CAST: variants seen among roughly 807,000 people sequenced by gnomAD.
CAST encodes MIR583 host.
CAST carries 76 observed loss-of-function variants against 119.6 expected under a neutral mutation model. That is an observed-to-expected ratio of 0.64 (90% CI 0.53 to 0.77). The LOEUF (loss-of-function observed/expected upper bound fraction) is 0.77, where lower values mean the gene tolerates loss of function less well. Ranked by LOEUF, CAST falls within the 30% of genes least tolerant of loss-of-function variation. The probability of loss-of-function intolerance (pLI) is 0.00; values close to 1 mark genes in which losing one functional copy is unlikely to be tolerated. For missense variants in CAST, 953 were observed against 946.5 expected (o/e 1.01, Z -0.09); for synonymous variants, 319 against 331.6 (o/e 0.96, Z 0.41).
the CAST span, among the ~76,000 whole-genome samples, chr5:96,164,633 T>C: frequency 1.3e-5 from 2 of 152,188 alleles, no homozygotes; most frequent in African/African-American, 2.4e-5. Context: ...AAGACAGATA[T>C]AGTCTCTGCC....
the CAST span, among the ~76,000 whole-genome samples, chr5:96,132,289 A>G: frequency 2.6e-3 from 392 of 152,256 alleles, 1 homozygote; most frequent in Non-Finnish European, 4.0e-3. Flanking sequence ...TTATTGATAC[A>G]TAGCAATGGC....
chr5:96,211,534 C>G, the CAST span, among the ~76,000 whole-genome samples: 1 of 151,942 alleles, frequency 6.6e-6, no homozygotes, highest in Non-Finnish European at 1.5e-5. Context: ...TTATTGAATT[C>G]TATTTGCTTA....
At chr5:96,636,768 G>A (rs866624318) in intron 1 of CAST, among the ~76,000 whole-genome samples, 29 of 152,274 alleles carry the variant, frequency 1.9e-4, no homozygotes, top group African/African-American at 6.0e-4. Flanking sequence ...TGGGGGAAAG[G>A]GCTCAGATGT....
chr5:96,614,894 A>G (rs113251992), intron 1 of CAST, among the ~76,000 whole-genome samples: 1,615 of 147,560 alleles, frequency 0.011, 17 homozygotes, highest in Non-Finnish European at 0.016. Context: ...AGTTACTTAA[A>G]AGCAATAATT....
At chr5:96,600,913 T>C (rs1747137902) in intron 1 of CAST, among the ~76,000 whole-genome samples, 1 of 152,284 alleles carries the variant, frequency 6.6e-6, no homozygotes, top group East Asian at 1.9e-4. Flanking sequence ...AATGAAAACA[T>C]CTCAAAACAT....
At chr5:96,045,778 T>C in the CAST span, among the ~76,000 whole-genome samples, 1 of 152,092 alleles carries the variant, frequency 6.6e-6, no homozygotes, top group African/African-American at 2.4e-5. Context: ...ACTTTAGGGT[T>C]TTTAGGATTT....
chr5:96,147,810 T>C, the CAST span, among the ~76,000 whole-genome samples: 1 of 152,342 alleles, frequency 6.6e-6, no homozygotes, highest in African/African-American at 2.4e-5. Context: ...GTAGTCTAGA[T>C]AGCCTGTGCA....
At chr5:96,768,061 T>C (rs1770663050) in intron 29 of CAST, 62 bp downstream of exon 29, 5 of 1,037,962 alleles carry the variant, frequency 4.8e-6, no homozygotes, top group South Asian at 3.8e-5. Flanking sequence ...TACATACATA[T>C]AAGTTTTATT....
the CAST span, among the ~76,000 whole-genome samples, chr5:96,029,598 C>T: frequency 1.3e-5 from 2 of 151,930 alleles, no homozygotes; most frequent in African/African-American, 2.4e-5. Flanking sequence ...AGGTATCTTC[C>T]CAACCAAAGA....
At chr5:96,037,760 G>C in the CAST span, among the ~76,000 whole-genome samples, 1 of 152,124 alleles carries the variant, frequency 6.6e-6, no homozygotes, top group Non-Finnish European at 1.5e-5. Context: ...GCTCAACTCA[G>C]CTTGGAGTTC....
the CAST span, among the ~76,000 whole-genome samples, chr5:96,098,512 A>G: frequency 6.6e-6 from 1 of 152,114 alleles, no homozygotes; most frequent in Admixed American, 6.5e-5. Flanking sequence ...TGGTGTAAGG[A>G]AGGGGTCCAG....
the CAST span, among the ~76,000 whole-genome samples, chr5:96,158,206 C>T: frequency 6.6e-6 from 1 of 152,152 alleles, no homozygotes. Context: ...TATGACTAAG[C>T]AAAGAGAGGA....
intron 3 of CAST, among the ~76,000 whole-genome samples, chr5:96,705,868 A>G (rs890863255): frequency 3.3e-5 from 5 of 152,156 alleles, no homozygotes; most frequent in Admixed American, 6.5e-5. Flanking sequence ...CTGCCATACT[A>G]TATTGTTTTT....
chr5:96,164,568 C>T, the CAST span, among the ~76,000 whole-genome samples: 6 of 152,110 alleles, frequency 3.9e-5, no homozygotes, highest in African/African-American at 1.2e-4. Flanking sequence ...AATCAGTTCG[C>T]AAACATTTAT....
the CAST span, among the ~76,000 whole-genome samples, chr5:96,214,698 A>C: frequency 2.0e-5 from 3 of 152,162 alleles, no homozygotes; most frequent in African/African-American, 7.2e-5. Context: ...TAAAAACAAC[A>C]CAAAACAAAA....
chr5:96,216,108 A>T, the CAST span, among the ~76,000 whole-genome samples: 1 of 152,132 alleles, frequency 6.6e-6, no homozygotes, highest in Non-Finnish European at 1.5e-5. Flanking sequence ...GTACCTGGCC[A>T]TGATTTTCTT....
the CAST span, among the ~76,000 whole-genome samples, chr5:96,310,120 A>T: frequency 6.6e-6 from 1 of 152,114 alleles, no homozygotes; most frequent in Admixed American, 6.5e-5. Flanking sequence ...TAATTTGTTG[A>T]GTGTTTTTAT....
the CAST span, among the ~76,000 whole-genome samples, chr5:96,261,655 G>A: frequency 6.6e-6 from 1 of 152,054 alleles, no homozygotes; most frequent in Non-Finnish European, 1.5e-5. Context: ...AATTGCTTTG[G>A]CCTCCACATC....
the CAST span, among the ~76,000 whole-genome samples, chr5:96,265,448 G>C: frequency 6.6e-6 from 1 of 152,108 alleles, no homozygotes. Context: ...GGTAGAGGTT[G>C]GAGAAGGCCA....
Sources: gnomAD v4.1 joint callset for allele counts (sites outside exome capture counted in the v4.1 genomes callset) on GRCh38, gnomAD v4.1.1 for gene constraint, MANE v1.5 for transcripts, NCBI Gene and HGNC (gene_info 2026-07-23, HGNC 2026-07-21) for gene names.